PKD1: variants seen among roughly 807,000 people sequenced by gnomAD.
The protein encoded by PKD1 is polycystin-1.
Under a neutral mutation model 361.7 loss-of-function variants are expected in PKD1, and 81 were observed. The observed-to-expected ratio is 0.22, with a 90% CI of 0.19 to 0.27. PKD1 has a LOEUF of 0.27. Ranked by LOEUF, PKD1 falls within the 10% of genes least tolerant of loss-of-function variation. The pLI is 1.00. For synonymous variants in PKD1, 3,615 were observed against 2,818.3 expected, an observed-to-expected ratio of 1.28 and a Z score of -8.95; for missense variants, 6,399 against 6,118.3, an observed-to-expected ratio of 1.05 and a Z score of -1.53.
chr16:2,092,358 G>A, intron 39 of PKD1, 122 bp downstream of exon 39: 1 of 963,386 alleles, frequency 1.0e-6, no homozygotes, highest in Non-Finnish European at 1.6e-6. Flanking sequence ...GAAGGAAACG[G>A]CGGTGTTAAG....
intron 21 of PKD1, among the ~76,000 whole-genome samples, chr16:2,105,049 G>A (rs1290107484): frequency 1.5e-5 from 2 of 133,026 alleles, no homozygotes; most frequent in Admixed American, 7.3e-5. Context: ...GGAGGGGAGG[G>A]GAGAGTGGAG....
At position 2,102,591 on chromosome 16, in the gene PKD1, G is replaced by A. The variant is rs749700489; in HGVS notation, c.8991C>T (p.Ser2997=). ...PAGSYHLNLS[S]HFRWSALQVS... ...CCTGCAGCGCCGACCAGCGGAAGTG[G>A]CTGGAGAGGTTCAGATGGTAACTCC... The change falls in exon 25 of 46, where the codon AGC becomes AGT. Residue 2997 remains serine, a synonymous_variant. Transcript: ENST00000262304. The A allele has an allele frequency of 6.2e-7, 1 of 1,611,198 alleles. No homozygotes were observed. Among genetic ancestry groups the A allele is most frequent in the Admixed American group, 1.7e-5 (1 of 60,012 alleles).
chr16:2,117,642 T>G lies in PKD1; in HGVS notation c.1232A>C (p.Glu411Ala), dbSNP rs771542191. 12 of 1,610,472 alleles carry G rather than the reference T, an allele frequency of 7.5e-6. No homozygotes were observed. The South Asian group carries it at 1.2e-4, about 16-fold the overall frequency. ...GCAGTGCCCGTTGCCAGGGAAGATC[T>G]CCGTGTCCGAGGGGCAGAGCGGGTG... ...AVHPLCPSDT[E>A]IFPGNGHCYR... The change falls in exon 6 of 46, where the codon GAG becomes GCG. Residue 411 changes from glutamate (E) to alanine (A), a missense_variant. Glu to Ala is a moderately radical substitution (Grantham distance 107, BLOSUM62 -1). Coordinates refer to ENST00000262304, the MANE Select transcript of PKD1 (RefSeq NM_001009944.3).
At position 2,108,692 on chromosome 16, in the gene PKD1, C is replaced by G; in HGVS notation, c.6475G>C (p.Val2159Leu). Residue 2159 changes from valine to leucine, a missense_variant, in exon 15 of 46, where the codon GTG becomes CTG. Coordinates refer to ENST00000262304, the MANE Select transcript of PKD1 (RefSeq NM_001009944.3). ...PEVDVVLPLQ[V>L]LMRRSQRNYL... Reference sequence around the variant, plus strand: ...TTGCGCTGTGATCGCCGCATCAGCACCTGCAGGGGCAGGACCACGTCCACC... The same window carrying G: ...TTGCGCTGTGATCGCCGCATCAGCAGCTGCAGGGGCAGGACCACGTCCACC... The G allele has an allele frequency of 6.4e-7, 1 of 1,569,714 alleles. No individual in the cohort carries two copies. Among genetic ancestry groups the G allele is most frequent in the Middle Eastern group, 2.2e-4 (1 of 4,506 alleles).
chr16:2,092,401 T>C (rs1399977000), intron 39 of PKD1, 79 bp downstream of exon 39: 2 of 1,084,804 alleles, frequency 1.8e-6, no homozygotes, highest in African/African-American at 1.5e-5. Flanking sequence ...GGAGCAGGGC[T>C]GATGCCAGAG....
intron 11 of PKD1, chr16:2,113,869 A>G (rs2092581480): frequency 4.0e-6 from 2 of 500,040 alleles, no homozygotes. Flanking sequence ...GCGAGAACAC[A>G]GCAGAGGGCG....
intron 37 of PKD1, 81 bp downstream of exon 37, chr16:2,093,463 C>A: frequency 2.3e-6 from 3 of 1,311,120 alleles, no homozygotes; most frequent in Non-Finnish European, 2.1e-6. Flanking sequence ...GAAAGGGGGA[C>A]AGGAGTGTCC....
rs1278591346 is a variant in PKD1 at position 2,108,909 on chromosome 16, G to A, written c.6258C>T (p.Ser2086=). 5.7e-6 allele frequency: 9 copies of A among 1,586,720 alleles called. No homozygotes were observed. The highest frequency in any genetic ancestry group is 2.2e-4 in the Middle Eastern group (1 of 4,572). Residue 2086 remains serine (S), a synonymous_variant, in exon 15 of 46, where the codon AGC becomes AGT. Transcript: ENST00000262304. ...CCCAGTGGTAGGCCACACGCCGGGG[G>A]CTGGGGCTGGTGGCGGCCTCAAACT... The part of the protein sequence containing the change: ...SAQFEAATSP[S]PRRVAYHWDF...
intron 26 of PKD1, among the ~76,000 whole-genome samples, chr16:2,101,790 T>C (rs894634171): frequency 1.3e-5 from 2 of 152,244 alleles, no homozygotes; most frequent in African/African-American, 4.8e-5. Flanking sequence ...GTGGTAGCGA[T>C]GCTCACGTCA....
At chr16:2,092,365 T>A in intron 39 of PKD1, 115 bp downstream of exon 39, 1 of 971,022 alleles carries the variant, frequency 1.0e-6, no homozygotes, top group Admixed American at 2.1e-5. Flanking sequence ...ACGGCGGTGT[T>A]AAGAGGGCAA....
intron 38 of PKD1, 120 bp from the exon 39 acceptor site, chr16:2,092,712 G>C: frequency 2.3e-6 from 2 of 869,088 alleles, no homozygotes; most frequent in Non-Finnish European, 3.8e-6. Context: ...GCTAGACCTG[G>C]GCTTCTCAGC....
Position 2,117,554 on chromosome 16 carries a change from G to T in PKD1, c.1320C>A (p.Ala440=). The T allele has an allele frequency of 6.2e-7, 1 of 1,602,556 alleles. No homozygotes were observed. The highest frequency in any genetic ancestry group is 1.1e-5 in the South Asian group (1 of 89,842). ...TGTCCACCATTGCCAGGGCGGCCCC[G>T]GCCCAGGCCTGACACTGCTCCTGCG... ...LQAQEQCQAW[A]GAALAMVDSP... is the part of the protein sequence containing the mutation. The change falls in exon 6 of 46, where the codon GCC becomes GCA. Residue 440 remains alanine (A), a synonymous_variant. Transcript: ENST00000262304.
At chr16:2,108,229 G>A (rs1335584003) in intron 15 of PKD1, 23 bp downstream of exon 15, 10 of 1,584,814 alleles carry the variant, frequency 6.3e-6, no homozygotes, top group African/African-American at 1.3e-5. Context: ...GGGGCATGGA[G>A]GACGGCCCTG....
In PKD1 at chr16:2,094,236, T is replaced by C. The variant is rs767692562; in HGVS notation, c.10500-26A>G. On this transcript the variant is annotated intron_variant, in intron 34 of 45. Coordinates refer to ENST00000262304, the MANE Select transcript of PKD1 (RefSeq NM_001009944.3). ...CTGAGGGACATGGTAGGCTGTGAATTCATCCCGGCCTCCAGGAGGCAGTTG... is the reference window on the plus strand; with the variant it reads ...CTGAGGGACATGGTAGGCTGTGAATCCATCCCGGCCTCCAGGAGGCAGTTG... The C allele has an allele frequency of 9.9e-6, 14 of 1,414,926 alleles. No homozygotes were observed. The South Asian group carries it at 1.4e-4, about 14-fold the overall frequency. The allele number at this position is 1,414,926 out of a possible 1,614,324, so 87.6% of individuals were successfully genotyped here.
At chr16:2,091,339 G>GGCGGGACGC (rs2091557456) in intron 42 of PKD1, 84 bp downstream of exon 42, 1 of 582,216 alleles carries the variant, frequency 1.7e-6, no homozygotes, top group African/African-American at 3.3e-5. Flanking sequence ...GCTGCGAGGG[G>GGCGGGACGC]TGAGACGCTG....
In PKD1 at chr16:2,099,841, C is replaced by A; in HGVS notation, c.9923+20G>T. 6.4e-7 allele frequency: 1 copy of A among 1,561,380 alleles called. No homozygotes were observed. The highest frequency in any genetic ancestry group is 1.2e-5 in the South Asian group (1 of 85,388). On this transcript the variant is annotated intron_variant, in intron 29 of 45. Coordinates refer to ENST00000262304, the MANE Select transcript of PKD1 (RefSeq NM_001009944.3). ...AAGGGCTGGGCAGGAAGAGGCTGCC[C>A]CGACCCCTACGGCACCCACCTGTAG...
In PKD1 at chr16:2,091,113, T is replaced by G. The variant is rs1193127936; in HGVS notation, c.11774A>C (p.Glu3925Ala). The G allele has an allele frequency of 4.7e-6, 7 of 1,492,358 alleles. No homozygotes were observed. The highest frequency in any genetic ancestry group is 6.2e-6 in the Non-Finnish European group (7 of 1,127,440). 92.4% of individuals were successfully genotyped at this position (1,492,358 alleles called of 1,614,324 possible). Residue 3925 changes from glutamate to alanine, a missense_variant, in exon 43 of 46, where the codon GAA becomes GCA. Physicochemically the swap from Glu to Ala is moderately radical, Grantham distance 107 (BLOSUM62 -1). Transcript: ENST00000262304. The part of the protein sequence containing the change: ...AVAEARTWHR[E>A]GRWRVLRLGA... The stretch of plus-strand genomic sequence containing the variant: ...GAGCCGCAGCACGCGCCAGCGCCCT[T>G]CCCTGTGCCAAGTACGGGCCTCGGC...
Position 2,108,377 on chromosome 16 carries a change from A to G in PKD1, c.6790T>C (p.Ser2264Pro). The G allele has an allele frequency of 1.9e-6, 3 of 1,610,510 alleles. No individual in the cohort carries two copies. In the South Asian group the frequency reaches 3.3e-5, roughly 18 times the overall value. The part of the protein sequence containing the change: ...ERLVPIIEGG[S>P]YRVWSDTRDL... ...CGTGTGTCTGACCACACGCGGTATG[A>G]GCCACCCTCAATGATGGGCACCAGG... The change falls in exon 15 of 46, where the codon TCA becomes CCA. Residue 2264 changes from serine (S) to proline (P), a missense_variant. Coordinates refer to ENST00000262304, the MANE Select transcript of PKD1 (RefSeq NM_001009944.3).
chr16:2,128,513 G>A (rs2092826340), intron 1 of PKD1, among the ~76,000 whole-genome samples: 1 of 152,164 alleles, frequency 6.6e-6, no homozygotes, highest in East Asian at 1.9e-4. Context: ...GCGGCTGCAG[G>A]GGTCTGCCCC....
Sources: gnomAD v4.1 joint callset for allele counts (sites outside exome capture counted in the v4.1 genomes callset) on GRCh38, gnomAD v4.1.1 for gene constraint, MANE v1.5 for transcripts, NCBI Gene and HGNC (gene_info 2026-07-23, HGNC 2026-07-21) for gene names.